REL: variants seen among roughly 807,000 people sequenced by gnomAD.
REL encodes the protein proto-oncogene c-Rel.
REL carries 15 observed loss-of-function variants against 45.9 expected under a neutral mutation model. The ratio of observed to expected loss-of-function variants is 0.33; its 90% CI spans 0.22 to 0.50. The LOEUF is 0.50. REL is among the 20% of genes least tolerant of loss of function. The probability of loss-of-function intolerance (pLI) is 0.98; values close to 1 mark genes in which losing one functional copy is unlikely to be tolerated. For missense variants in REL, 601 were observed against 715.2 expected, an observed-to-expected ratio of 0.84 and a Z score of 1.82; for synonymous variants, 239 against 242.1, an observed-to-expected ratio of 0.99 and a Z score of 0.12.
intron 3 of REL, among the ~76,000 whole-genome samples, chr2:60,898,810 A>G (rs949388255): frequency 6.6e-6 from 1 of 152,206 alleles, no homozygotes; most frequent in Non-Finnish European, 1.5e-5. Flanking sequence ...CAGTTTGCCA[A>G]TCTTTCCACT....
In REL at chr2:60,921,766, C is replaced by G. The variant is rs753140617; in HGVS notation, c.995C>G (p.Pro332Arg). 6.3e-7 allele frequency: 1 copy of G among 1,588,182 alleles called. No individual in the cohort carries two copies. The highest frequency in any genetic ancestry group is 2.3e-5 in the East Asian group (1 of 44,284). ...AAATAAATTTTTCCTCCCACAGAAC[C>G]AAACTTGTTTTCTCATGATGCAGTT... ...IGEGRYFKKE[P>R]NLFSHDAVVR... The change falls in exon 10 of 10, where the codon CCA becomes CGA. Residue 332 changes from proline (P) to arginine (R), a missense_variant. This residue lies in a region of REL where 334 missense variants were observed against 333.1 expected (regional missense o/e 1.00). Transcript: ENST00000394479.
intron 1 of REL, among the ~76,000 whole-genome samples, chr2:60,890,776 T>C (rs966028754): frequency 6.6e-6 from 1 of 152,200 alleles, no homozygotes; most frequent in Non-Finnish European, 1.5e-5. Flanking sequence ...CACAAGATAA[T>C]GTCCCCCCTG....
At chr2:60,921,149 A>G (rs1032750817) in intron 9 of REL, among the ~76,000 whole-genome samples, 4 of 49,906 alleles carry the variant, frequency 8.0e-5, no homozygotes, top group Non-Finnish European at 3.4e-4. Context: ...AGGGCTAATT[A>G]GAAGAAGTCT....
intron 9 of REL, among the ~76,000 whole-genome samples, chr2:60,921,279 A>G (rs1314465582): frequency 6.6e-6 from 1 of 152,062 alleles, no homozygotes; most frequent in Admixed American, 6.5e-5. Context: ...CTGACTGTGA[A>G]TTTTATAGTC....
chr2:60,924,151 T>C lies in REL; in HGVS notation c.*1616T>C, dbSNP rs1198417062. 1 of 230,994 alleles carries C rather than the reference T, an allele frequency of 4.3e-6. No homozygotes were observed. Among genetic ancestry groups the C allele is most frequent in the East Asian group, 6.1e-5 (1 of 16,318 alleles). The allele number at this position is 230,994 out of a possible 1,614,324, so 14.3% of individuals were successfully genotyped here. ...CATCCTTCAGGTGTCACTCCACTGT[T>C]ACCTGAGCAGGTCGTCCTTGAATAT... is the stretch of plus-strand genomic sequence containing the variant. On this transcript the variant is annotated 3_prime_UTR_variant, in exon 10 of 10. Transcript: ENST00000394479.
chr2:60,908,613 T>G (rs1673724744), intron 4 of REL, among the ~76,000 whole-genome samples: 1 of 152,172 alleles, frequency 6.6e-6, no homozygotes, highest in South Asian at 2.1e-4. Flanking sequence ...TGAAAAAAAT[T>G]TGTAATTATA....
intron 3 of REL, chr2:60,899,360 C>T (rs1673436977): frequency 1.3e-5 from 2 of 152,132 alleles, no homozygotes; most frequent in Admixed American, 1.3e-4. Flanking sequence ...TGTCATGTAC[C>T]TGTAGTCCAG....
chr2:60,893,011 C>T (rs922604019), intron 2 of REL, among the ~76,000 whole-genome samples: 3 of 152,168 alleles, frequency 2.0e-5, no homozygotes, highest in Non-Finnish European at 2.9e-5. Flanking sequence ...CCTTGGTCTC[C>T]CAAAGTGCTG....
rs1007490919 is a variant in REL, at chr2:60,909,152, C to T, written c.395-7725C>T. Among the ~76,000 whole-genome samples the T allele has an allele frequency of 5.9e-5, 9 of 152,098 alleles. No homozygotes were observed. In the South Asian group the frequency reaches 1.5e-3, roughly 25 times the overall value. On this transcript the variant is annotated intron_variant, in intron 4 of 9. Transcript: ENST00000394479. ...TATTATATAATTTTAGTTTATGTATCTATTTCTCATCCAGATACTCATCTC... is the reference window on the plus strand; with the variant it reads ...TATTATATAATTTTAGTTTATGTATTTATTTCTCATCCAGATACTCATCTC...
intron 1 of REL, 56 bp from the exon 2 acceptor site, chr2:60,891,627 C>T: frequency 2.2e-6 from 3 of 1,352,600 alleles, no homozygotes; most frequent in African/African-American, 1.5e-5. Flanking sequence ...TGTTAAAATC[C>T]ATTATTAATT....
At chr2:60,905,119 G>A (rs2103955051) in intron 4 of REL, among the ~76,000 whole-genome samples, 1 of 152,208 alleles carries the variant, frequency 6.6e-6, no homozygotes, top group South Asian at 2.1e-4. Context: ...GTTTGTGATG[G>A]AGTCTCCCTC....
intron 4 of REL, among the ~76,000 whole-genome samples, chr2:60,908,546 C>T: frequency 6.6e-6 from 1 of 152,114 alleles, no homozygotes; most frequent in East Asian, 1.9e-4. Flanking sequence ...ACAGTGTTTA[C>T]TTAGCTAGAA....
At chr2:60,906,907 A>ATTT (rs1232607239) in intron 4 of REL, among the ~76,000 whole-genome samples, 1 of 96,422 alleles carries the variant, frequency 1.0e-5, no homozygotes, top group African/African-American at 4.2e-5. Context: ...ATATATATAT[A>ATTT]TATATATTTT....
In REL at chr2:60,918,621, T is replaced by TG. The variant is rs1446523394; in HGVS notation, c.853+17dup. On this transcript the variant is annotated intron_variant, in intron 7 of 9. Coordinates refer to ENST00000394479, the MANE Select transcript of REL (RefSeq NM_001291746.2). ...AGATGAAAAAGGTATGACATTTTGCTGGTAATAATTTATATATTTCTTGAA... is the reference window on the plus strand; with the variant it reads ...AGATGAAAAAGGTATGACATTTTGCTGGGTAATAATTTATATATTTCTTGAA... 6.4e-7 allele frequency: 1 copy of TG among 1,557,244 alleles called. No individual in the cohort carries two copies. The highest frequency in any genetic ancestry group is 1.1e-5 in the South Asian group (1 of 89,792).
chr2:60,898,455 G>C (rs191519590), intron 3 of REL, among the ~76,000 whole-genome samples: 1 of 152,074 alleles, frequency 6.6e-6, no homozygotes, highest in East Asian at 1.9e-4. Context: ...GGGTCTTTGT[G>C]TGGCCTGTTC....
At chr2:60,899,675 A>G (rs1386546919) in intron 3 of REL, 1 of 152,304 alleles carries the variant, frequency 6.6e-6, no homozygotes, top group Admixed American at 6.5e-5. Context: ...TAGTAATGTT[A>G]TTATAATTGA....
intron 4 of REL, among the ~76,000 whole-genome samples, chr2:60,911,970 C>T (rs1318795230): frequency 2.1e-5 from 3 of 143,364 alleles, no homozygotes; most frequent in African/African-American, 7.9e-5. Flanking sequence ...TGCACTCCAG[C>T]CTGGGCAAAG....
intron 1 of REL, among the ~76,000 whole-genome samples, chr2:60,885,417 G>A (rs6545835): frequency 2.6e-5 from 4 of 151,916 alleles, no homozygotes; most frequent in African/African-American, 9.7e-5. Context: ...ACCCTGGCAC[G>A]TGCAAGAGTT....
chr2:60,918,158 C>T, intron 5 of REL, 33 bp from the exon 6 acceptor site: 1 of 1,228,318 alleles, frequency 8.1e-7, no homozygotes, highest in Non-Finnish European at 1.2e-6. Context: ...ACTAAGGTAG[C>T]AACTCATTTT....
Sources: gnomAD v4.1 joint callset for allele counts (sites outside exome capture counted in the v4.1 genomes callset) on GRCh38, gnomAD v4.1.1 for gene constraint, gnomAD v4.1.1 regional missense constraint, MANE v1.5 for transcripts, NCBI Gene and HGNC (gene_info 2026-07-23, HGNC 2026-07-21) for gene names.